Variants in EPSTI1 observed in about 807,000 individuals in gnomAD.
The protein encoded by EPSTI1 is epithelial-stromal interaction protein 1.
A neutral mutation model predicts 49.9 loss-of-function variants in EPSTI1; 66 were observed. The observed-to-expected ratio is 1.32, with a 90% CI of 1.08 to 1.62. EPSTI1 has a LOEUF of 1.62. Among genes scored for constraint, EPSTI1 ranks in the 40% most tolerant of loss-of-function variants. EPSTI1 has a pLI of 0.00. For synonymous variants in EPSTI1, 137 were observed against 130.7 expected, an observed-to-expected ratio of 1.05 and a Z score of -0.33; for missense variants, 394 against 365.5, an observed-to-expected ratio of 1.08 and a Z score of -0.64.
chr13:42,992,076 C>T lies in EPSTI1; in HGVS notation c.90G>A (p.Arg30=). ...CTTCCACGGGGCTCAGCTCCCCTTG[C>T]CGCCCAGAAGGGTCCTGGGGATCCC... is the stretch of plus-strand genomic sequence containing the variant. ...PTRDPQDPSG[R]QGELSPVEDQ... The change falls in exon 1 of 11, where the codon CGG becomes CGA. Residue 30 remains arginine (R), a synonymous_variant. Transcript: ENST00000313624. 2 of 1,613,320 alleles carry T rather than the reference C, an allele frequency of 1.2e-6. No homozygotes were observed. The highest frequency in any genetic ancestry group is 1.7e-6 in the Non-Finnish European group (2 of 1,180,000).
intron 1 of EPSTI1, among the ~76,000 whole-genome samples, chr13:42,973,269 T>C (rs1318003710): frequency 6.6e-6 from 1 of 152,222 alleles, no homozygotes; most frequent in Non-Finnish European, 1.5e-5. Context: ...CCAATGTGTG[T>C]AGCTTACAGG....
chr13:42,963,189 A>G, intron 5 of EPSTI1, 66 bp downstream of exon 5: 1 of 1,336,356 alleles, frequency 7.5e-7, no homozygotes, highest in Non-Finnish European at 1.1e-6. Flanking sequence ...TACTATAATA[A>G]AAATCTTCTA....
chr13:42,983,576 A>AAAAAAAAC (rs2040026210), intron 1 of EPSTI1, among the ~76,000 whole-genome samples: 1 of 101,004 alleles, frequency 9.9e-6, no homozygotes, highest in African/African-American at 2.7e-5. Context: ...AAAAAAAAAA[A>AAAAAAAAC]AAAAAAAAAA....
chr13:42,945,568 G>C (rs1271755375), intron 6 of EPSTI1, among the ~76,000 whole-genome samples: 1 of 152,228 alleles, frequency 6.6e-6, no homozygotes, highest in Non-Finnish European at 1.5e-5. Context: ...TTGACCAGTA[G>C]AGTGACATGA....
At chr13:42,973,876 C>T (rs1470772893) in intron 1 of EPSTI1, among the ~76,000 whole-genome samples, 2 of 152,106 alleles carry the variant, frequency 1.3e-5, no homozygotes, top group Non-Finnish European at 2.9e-5. Flanking sequence ...GAAAATGAGT[C>T]TCCTTAATTA....
intron 8 of EPSTI1, among the ~76,000 whole-genome samples, chr13:42,902,620 C>G (rs1396952399): frequency 6.6e-6 from 1 of 152,106 alleles, no homozygotes; most frequent in Non-Finnish European, 1.5e-5. Flanking sequence ...AATGTTTAAC[C>G]AGAAAACCTT....
intron 9 of EPSTI1, among the ~76,000 whole-genome samples, chr13:42,899,199 A>C (rs1272999670): frequency 9.5e-6 from 1 of 105,492 alleles, no homozygotes; most frequent in African/African-American, 3.6e-5. Flanking sequence ...CTCTGTCTCA[A>C]AAAAAAAAAA....
At chr13:42,908,580 A>G (rs1594627979) in intron 8 of EPSTI1, among the ~76,000 whole-genome samples, 1 of 152,068 alleles carries the variant, frequency 6.6e-6, no homozygotes, top group East Asian at 1.9e-4. Context: ...TTAAAAGGAC[A>G]AGCAACAAAA....
At chr13:42,911,387 T>C (rs2037682248) in intron 8 of EPSTI1, among the ~76,000 whole-genome samples, 1 of 152,168 alleles carries the variant, frequency 6.6e-6, no homozygotes. Context: ...CTGAAATAAT[T>C]TGTAAAGCAT....
rs754856256 is a variant in EPSTI1, at chr13:42,926,422, C to A, written c.571G>T (p.Ala191Ser). 6.2e-7 allele frequency: 1 copy of A among 1,608,388 alleles called. No homozygotes were observed. Among genetic ancestry groups the A allele is most frequent in the Non-Finnish European group, 8.5e-7 (1 of 1,174,784 alleles). ...GTGTTCAGTTTGCTCAAGAACTCAG[C>A]GGTTTTGCTACCAGAAACACAAACA... is the stretch of plus-strand genomic sequence containing the variant. ...AFREHQQYKTAEFLSKLNTES... is the reference protein window; with the variant it reads ...AFREHQQYKTSEFLSKLNTES... The change falls in exon 7 of 11, where the codon GCT (alanine) becomes TCT (serine). Residue 191 changes from alanine to serine, a missense_variant. Coordinates refer to ENST00000313624, the MANE Select transcript of EPSTI1 (RefSeq NM_033255.5).
intron 9 of EPSTI1, among the ~76,000 whole-genome samples, chr13:42,896,519 GCTC>G (rs1279754960): frequency 6.6e-6 from 1 of 152,136 alleles, no homozygotes. Context: ...AGGCTTGTTT[GCTC>G]TACCTCCTGA....
chr13:42,926,028 G>A (rs1272883800), intron 7 of EPSTI1, among the ~76,000 whole-genome samples: 3 of 150,320 alleles, frequency 2.0e-5, no homozygotes, highest in Admixed American at 2.0e-4. Flanking sequence ...TGCATGGATG[G>A]AAGGAAGGAA....
intron 6 of EPSTI1, among the ~76,000 whole-genome samples, chr13:42,949,591 CAAAAAAA>C (rs199737689): frequency 2.5e-5 from 2 of 80,208 alleles, no homozygotes; most frequent in African/African-American, 4.0e-5. Context: ...GACTCCATGT[CAAAAAAA>C]AAAAAAAAAA....
chr13:42,969,205 T>A, intron 2 of EPSTI1, 28 bp from the exon 3 acceptor site: 1 of 1,607,484 alleles, frequency 6.2e-7, no homozygotes, highest in Non-Finnish European at 8.5e-7. Context: ...TATCAAATCG[T>A]CAATTATTAG....
chr13:42,984,336 T>C (rs896471585), intron 1 of EPSTI1, among the ~76,000 whole-genome samples: 1 of 152,210 alleles, frequency 6.6e-6, no homozygotes, highest in African/African-American at 2.4e-5. Context: ...CATAATCATA[T>C]AGAGAAGGAA....
intron 1 of EPSTI1, among the ~76,000 whole-genome samples, chr13:42,974,453 T>C (rs569242271): frequency 5.8e-4 from 88 of 152,082 alleles, no homozygotes; most frequent in South Asian, 4.4e-3. Flanking sequence ...GTCAGGAGAT[T>C]GAGACCATCC....
intron 1 of EPSTI1, among the ~76,000 whole-genome samples, chr13:42,989,898 AT>A (rs1285383982): frequency 2.6e-5 from 4 of 151,914 alleles, no homozygotes; most frequent in Admixed American, 1.3e-4. Context: ...CGGCCTCTTC[AT>A]TTTTTTAAAT....
intron 7 of EPSTI1, among the ~76,000 whole-genome samples, chr13:42,921,920 A>G (rs1170407189): frequency 6.6e-6 from 1 of 152,214 alleles, no homozygotes; most frequent in Non-Finnish European, 1.5e-5. Context: ...AATTGTTTAG[A>G]AATTTGCGTC....
intron 3 of EPSTI1, among the ~76,000 whole-genome samples, chr13:42,968,893 C>T: frequency 9.0e-6 from 1 of 111,164 alleles, no homozygotes; most frequent in Non-Finnish European, 1.7e-5. Context: ...AGGTTTGCTA[C>T]TTGCAGAAAA....
Sources: allele counts gnomAD v4.1 joint callset (sites outside exome capture counted in the v4.1 genomes callset), GRCh38; gene constraint gnomAD v4.1.1; transcripts MANE v1.5; gene names NCBI Gene and HGNC (gene_info 2026-07-23, HGNC 2026-07-21).